The following SEMA6D variants were observed in gnomAD, a reference collection of about 807,000 sequenced individuals.
SEMA6D encodes semaphorin-6D.
In SEMA6D, 35 loss-of-function variants were observed where a neutral mutation model predicts 106.6. The ratio of observed to expected loss-of-function variants is 0.33; its 90% confidence interval spans 0.25 to 0.44. The LOEUF is 0.44. SEMA6D is among the 20% of genes least tolerant of loss of function. The pLI, the probability that SEMA6D is intolerant of heterozygous loss-of-function variation, is 1.00. For synonymous variants in SEMA6D, 499 were observed against 487.7 expected, an observed-to-expected ratio of 1.02 and a Z score of -0.31; for missense variants, 1,185 against 1,345.9, an observed-to-expected ratio of 0.88 and a Z score of 1.87.
At chr15:47,502,798 C>T (rs758121273) in intron 3 of SEMA6D, among the ~76,000 whole-genome samples, 1 of 152,166 alleles carries the variant, frequency 6.6e-6, no homozygotes, top group East Asian at 1.9e-4. Flanking sequence ...AGTCCTGTGA[C>T]CCAAACTATT....
intron 3 of SEMA6D, among the ~76,000 whole-genome samples, chr15:47,556,441 C>T (rs1241869625): frequency 5.9e-5 from 9 of 152,050 alleles, no homozygotes; most frequent in African/African-American, 1.4e-4. Flanking sequence ...TTTCTGAGAA[C>T]GCTTGCTTAT....
chr15:47,196,003 T>C (rs1894321120), intron 1 of SEMA6D, among the ~76,000 whole-genome samples: 1 of 143,646 alleles, frequency 7.0e-6, no homozygotes. Context: ...CAGCAAGTTA[T>C]CAATGAAGGG....
chr15:47,427,631 C>T (rs976309958), intron 2 of SEMA6D, among the ~76,000 whole-genome samples: 1 of 152,042 alleles, frequency 6.6e-6, no homozygotes, highest in East Asian at 1.9e-4. Flanking sequence ...AATATGTGAC[C>T]TTGGGGATAC....
intron 1 of SEMA6D, among the ~76,000 whole-genome samples, chr15:47,197,074 C>T (rs750232149): frequency 1.6e-4 from 25 of 152,144 alleles, no homozygotes; most frequent in Non-Finnish European, 3.1e-4. Context: ...TCTAACCCTC[C>T]CCCTTTCTGT....
intron 4 of SEMA6D, among the ~76,000 whole-genome samples, chr15:47,700,324 G>A (rs1184208665): frequency 6.6e-6 from 1 of 152,088 alleles, no homozygotes; most frequent in Non-Finnish European, 1.5e-5. Context: ...CCAGGAGTTT[G>A]AGACCAGCCT....
chr15:47,539,125 T>A (rs1256176290), intron 3 of SEMA6D, among the ~76,000 whole-genome samples: 1 of 152,256 alleles, frequency 6.6e-6, no homozygotes, highest in Non-Finnish European at 1.5e-5. Flanking sequence ...TCTGCTTTGC[T>A]GAATTTTATT....
intron 4 of SEMA6D, among the ~76,000 whole-genome samples, chr15:47,703,634 A>G (rs956438586): frequency 1.3e-5 from 2 of 152,186 alleles, no homozygotes; most frequent in African/African-American, 4.8e-5. Context: ...GCATTTACAT[A>G]AAGGAAAGTA....
At chr15:47,457,400 G>C (rs2042376311) in intron 2 of SEMA6D, among the ~76,000 whole-genome samples, 1 of 151,778 alleles carries the variant, frequency 6.6e-6, no homozygotes, top group Non-Finnish European at 1.5e-5. Context: ...AAACACAGAT[G>C]AAAGTATCAG....
intron 1 of SEMA6D, among the ~76,000 whole-genome samples, chr15:47,721,377 C>G (rs886595504): frequency 2.6e-5 from 4 of 152,164 alleles, no homozygotes; most frequent in Admixed American, 1.3e-4. Flanking sequence ...AGAGATCTCA[C>G]TTTCTGTGGC....
chr15:47,764,397 C>T (rs1161933550), intron 11 of SEMA6D, 92 bp downstream of exon 11: 7 of 1,460,524 alleles, frequency 4.8e-6, no homozygotes, highest in Non-Finnish European at 6.5e-6. Context: ...GGCCAACCTC[C>T]CACACCAGGA....
intron 2 of SEMA6D, among the ~76,000 whole-genome samples, chr15:47,447,273 G>A (rs759264279): frequency 1.7e-4 from 26 of 152,112 alleles, no homozygotes; most frequent in Non-Finnish European, 2.8e-4. Context: ...GTTGACTGGT[G>A]GCTGGTAGTC....
chr15:47,695,281 C>T (rs1029816649), intron 4 of SEMA6D, among the ~76,000 whole-genome samples: 3 of 152,166 alleles, frequency 2.0e-5, no homozygotes, highest in African/African-American at 4.8e-5. Context: ...AAGAATCTTG[C>T]TAGAATAGCC....
At chr15:47,477,732 A>G (rs1567108303) in intron 3 of SEMA6D, among the ~76,000 whole-genome samples, 1 of 152,180 alleles carries the variant, frequency 6.6e-6, no homozygotes, top group African/African-American at 2.4e-5. Flanking sequence ...CATTCTCTAT[A>G]CAATTCATTT....
chr15:47,356,216 T>C lies in SEMA6D; in HGVS notation c.-238-56177T>C, dbSNP rs536946021. Among the ~76,000 whole-genome samples, 288 of 152,298 alleles carry C rather than the reference T, an allele frequency of 1.9e-3. 1 individual carries two copies. Among genetic ancestry groups the C allele is most frequent in the African/African-American group, 6.8e-3 (284 of 41,568 alleles). ...TGGCAAGAGACAAAATAAGCCTAAA[T>C]CCCTCAGGGAGGATAATCCTTAAAA... is the stretch of plus-strand genomic sequence containing the variant. On this transcript the variant is annotated intron_variant, in intron 1 of 19. Transcript: ENST00000558014.
At chr15:47,510,374 T>G (rs1489230510) in intron 3 of SEMA6D, among the ~76,000 whole-genome samples, 2 of 152,200 alleles carry the variant, frequency 1.3e-5, no homozygotes, top group African/African-American at 4.8e-5. Flanking sequence ...TTGTCTTCTA[T>G]GGAACTAGTA....
intron 1 of SEMA6D, among the ~76,000 whole-genome samples, chr15:47,247,369 C>A (rs575142324): frequency 2.0e-4 from 31 of 151,242 alleles, no homozygotes; most frequent in Admixed American, 8.6e-4. Flanking sequence ...AAAAAGAAAG[C>A]AAAAAATGCT....
At chr15:47,350,736 AG>A (rs1229945198) in intron 1 of SEMA6D, among the ~76,000 whole-genome samples, 2 of 152,206 alleles carry the variant, frequency 1.3e-5, no homozygotes, top group Admixed American at 6.5e-5. Flanking sequence ...TTTTGGCTTT[AG>A]CTATTGAGCT....
intron 2 of SEMA6D, among the ~76,000 whole-genome samples, chr15:47,413,209 A>T (rs1313033035): frequency 6.6e-6 from 1 of 152,222 alleles, no homozygotes; most frequent in African/African-American, 2.4e-5. Context: ...GAAAAAAGTA[A>T]TAATTAAAAT....
chr15:47,433,378 TA>T (rs2041600936), intron 2 of SEMA6D, among the ~76,000 whole-genome samples: 1 of 151,926 alleles, frequency 6.6e-6, no homozygotes, highest in African/African-American at 2.4e-5. Context: ...TATGCCATTA[TA>T]AAATGTGTCT....
Sources: allele counts gnomAD v4.1 joint callset (sites outside exome capture counted in the v4.1 genomes callset), GRCh38; gene constraint gnomAD v4.1.1; transcripts MANE v1.5; gene names NCBI Gene and HGNC (gene_info 2026-07-23, HGNC 2026-07-21).